The following MAN1C1 variants were observed in gnomAD, a reference collection of about 807,000 sequenced individuals.
The protein encoded by MAN1C1 is mannosidase alpha class 1C member 1.
In MAN1C1, 49 loss-of-function variants were observed where a neutral mutation model predicts 71.5. The observed-to-expected ratio is 0.69, with a 90% CI of 0.54 to 0.87. The LOEUF (loss-of-function observed/expected upper bound fraction) is 0.87, where lower values mean the gene tolerates loss of function less well. Among genes scored for constraint, MAN1C1 ranks in the 40% least tolerant of loss-of-function variants. The pLI, the probability that MAN1C1 is intolerant of heterozygous loss-of-function variation, is 0.00. For synonymous variants in MAN1C1, 352 were observed against 343.7 expected (o/e 1.02, Z -0.27); for missense variants, 743 against 835.0 (o/e 0.89, Z 1.36).
intron 2 of MAN1C1, among the ~76,000 whole-genome samples, chr1:25,740,550 T>C (rs556354000): frequency 6.0e-4 from 92 of 152,126 alleles, no homozygotes; most frequent in African/African-American, 2.1e-3. Flanking sequence ...CATTCTCCTG[T>C]CTCAGCCTCC....
chr1:25,753,443 C>T lies in MAN1C1; in HGVS notation c.835-41C>T. The T allele has an allele frequency of 6.5e-7, 1 of 1,528,136 alleles. No individual in the cohort carries two copies. The highest frequency in any genetic ancestry group is 1.2e-5 in the South Asian group (1 of 86,248). 94.7% of individuals were successfully genotyped at this position (1,528,136 alleles called of 1,614,324 possible). ...AGTTCTGGGGTTGACCTTCCCTCAC[C>T]CAGCCTGGAGTCAAAAGCCCTTTGA... On this transcript the variant is annotated intron_variant, in intron 4 of 11. Transcript: ENST00000374332. This position sits in a 1 kb window ranked among gnomAD's most constrained non-coding sequence, Gnocchi z 4.9.
chr1:25,622,260 C>G (rs2045226601), intron 1 of MAN1C1, among the ~76,000 whole-genome samples: 1 of 152,192 alleles, frequency 6.6e-6, no homozygotes, highest in African/African-American at 2.4e-5. Flanking sequence ...GCTGTTCCAT[C>G]AACTCTGATT....
rs2124415642 is a variant in MAN1C1, at chr1:25,779,679, A to G, written c.1478-1261A>G. Among the ~76,000 whole-genome samples the G allele has an allele frequency of 6.6e-6, 1 of 151,864 alleles. No individual in the cohort carries two copies. ...TAGCAGTGGCTCCTGCCTTCACCCC[A>G]CTAGCGACTTGGCAAAATGACTGTT... is the stretch of plus-strand genomic sequence containing the variant. On this transcript the variant is annotated intron_variant, in intron 9 of 11. Transcript: ENST00000374332. This position sits in a 1 kb window ranked among gnomAD's most constrained non-coding sequence, Gnocchi z 4.6.
At chr1:25,708,334 G>A (rs2046554230) in intron 2 of MAN1C1, among the ~76,000 whole-genome samples, 1 of 152,158 alleles carries the variant, frequency 6.6e-6, no homozygotes, top group South Asian at 2.1e-4. Context: ...GGCGCTGGTG[G>A]GAGTGCCTTT....
rs2047131115 is a variant in MAN1C1, at chr1:25,746,563, C to T, written c.638-105C>T. The T allele has an allele frequency of 2.2e-6, 2 of 908,730 alleles. No individual in the cohort carries two copies. Among genetic ancestry groups the T allele is most frequent in the Non-Finnish European group, 3.6e-6 (2 of 561,820 alleles). 56.3% of individuals were successfully genotyped at this position (908,730 alleles called of 1,614,324 possible). On this transcript the variant is annotated intron_variant, in intron 2 of 11. Coordinates refer to ENST00000374332, the MANE Select transcript of MAN1C1 (RefSeq NM_020379.4). The surrounding 1 kb of genome is among the most constrained non-coding windows in gnomAD (Gnocchi z 4.0). ...GGTGCCTGAGGCCAGCCTTTGCCAC[C>T]AAGCCTGCGCTGGCATTGGAGGGGC...
intron 1 of MAN1C1, among the ~76,000 whole-genome samples, chr1:25,641,106 T>A (rs1037343167): frequency 6.6e-6 from 1 of 152,228 alleles, no homozygotes; most frequent in Admixed American, 6.5e-5. Flanking sequence ...TCAGGGAGTC[T>A]GCTTTGAAGG....
chr1:25,705,804 A>G (rs1557773245), intron 2 of MAN1C1, among the ~76,000 whole-genome samples: 1 of 152,214 alleles, frequency 6.6e-6, no homozygotes. Context: ...TTGGCTGGGT[A>G]TGGTGGCACA....
chr1:25,754,459 T>C (rs2047258409), intron 5 of MAN1C1, among the ~76,000 whole-genome samples: 1 of 152,030 alleles, frequency 6.6e-6, no homozygotes, highest in Non-Finnish European at 1.5e-5. Context: ...ATGTTCAGCA[T>C]CTTCGTCAAC....
At chr1:25,620,127 G>C (rs535867062) in intron 1 of MAN1C1, among the ~76,000 whole-genome samples, 1 of 152,212 alleles carries the variant, frequency 6.6e-6, no homozygotes, top group African/African-American at 2.4e-5. Context: ...TATTTTGCCA[G>C]CAGAGTCTGG....
intron 2 of MAN1C1, among the ~76,000 whole-genome samples, chr1:25,737,124 A>G (rs2124314921): frequency 6.6e-6 from 1 of 152,334 alleles, no homozygotes; most frequent in South Asian, 2.1e-4. Flanking sequence ...GGAGTTTTTA[A>G]ACACAGGTTT....
intron 2 of MAN1C1, among the ~76,000 whole-genome samples, chr1:25,733,188 C>T (rs574360653): frequency 6.6e-6 from 1 of 152,236 alleles, no homozygotes; most frequent in East Asian, 1.9e-4. Flanking sequence ...AAGCACAGAC[C>T]CAGGTGCTCC....
Position 25,763,891 on chromosome 1 carries a change from G to T in MAN1C1, c.1065G>T (p.Lys355Asn). 6.2e-7 allele frequency: 1 copy of T among 1,613,860 alleles called. No individual in the cohort carries two copies. The highest frequency in any genetic ancestry group is 8.5e-7 in the Non-Finnish European group (1 of 1,180,004). The change falls in exon 7 of 12, where the codon AAG becomes AAT. Residue 355 changes from lysine (K) to asparagine (N), a missense_variant. Lys to Asn is a moderately conservative substitution (Grantham distance 94). Coordinates refer to ENST00000374332, the MANE Select transcript of MAN1C1 (RefSeq NM_020379.4). ...CTCGGCAGGTCAGGAACATCCGCAA[G>T]GTCCTCAGGAAGATCGAAAAGCCCT... is the stretch of plus-strand genomic sequence containing the variant. ...VFAEKVRNIRKVLRKIEKPFG... is the reference protein window; with the variant it reads ...VFAEKVRNIRNVLRKIEKPFG...
At chr1:25,763,156 T>C (rs2047382375) in intron 6 of MAN1C1, among the ~76,000 whole-genome samples, 1 of 152,054 alleles carries the variant, frequency 6.6e-6, no homozygotes, top group African/African-American at 2.4e-5. Context: ...TAGTCTTAAC[T>C]ACTGAGGAGG....
At chr1:25,751,250 C>T (rs2047211068) in intron 4 of MAN1C1, among the ~76,000 whole-genome samples, 1 of 151,900 alleles carries the variant, frequency 6.6e-6, no homozygotes, top group South Asian at 2.1e-4. Flanking sequence ...TCCATCTTTT[C>T]TTCTGTCCTT....
At chr1:25,696,134 T>C (rs932882779) in intron 2 of MAN1C1, among the ~76,000 whole-genome samples, 1 of 152,226 alleles carries the variant, frequency 6.6e-6, no homozygotes, top group Admixed American at 6.5e-5. Flanking sequence ...CCGCCCACTT[T>C]GCGAAGACCT....
intron 1 of MAN1C1, among the ~76,000 whole-genome samples, chr1:25,641,762 T>A (rs987124483): frequency 6.6e-6 from 1 of 152,222 alleles, no homozygotes; most frequent in Non-Finnish European, 1.5e-5. Context: ...TTTTCTGTAT[T>A]TATTAAGACC....
chr1:25,642,891 T>G (rs2045556043), intron 1 of MAN1C1, among the ~76,000 whole-genome samples: 1 of 152,194 alleles, frequency 6.6e-6, no homozygotes, highest in Admixed American at 6.5e-5. Context: ...GAGGCCTGTG[T>G]GGGGAGATGA....
In MAN1C1 at chr1:25,711,061, C is replaced by G. The variant is rs1454356554; in HGVS notation, c.637+24525C>G. Reference sequence around the variant, plus strand: ...CTTGAGTCTGTGGGTCTTAGCTAGGCCAGGATTGGTCTAGGATGGCTTTGG... The same window carrying G: ...CTTGAGTCTGTGGGTCTTAGCTAGGGCAGGATTGGTCTAGGATGGCTTTGG... On this transcript the variant is annotated intron_variant, in intron 2 of 11. Coordinates refer to ENST00000374332, the MANE Select transcript of MAN1C1 (RefSeq NM_020379.4). This position sits in a 1 kb window ranked among gnomAD's most constrained non-coding sequence, Gnocchi z 4.3. Among the ~76,000 whole-genome samples the G allele has an allele frequency of 6.6e-6, 1 of 152,118 alleles. No homozygotes were observed. Among genetic ancestry groups the G allele is most frequent in the African/African-American group, 2.4e-5 (1 of 41,402 alleles).
Position 25,617,960 on chromosome 1 carries a change from G to C in MAN1C1, c.163G>C (p.Ala55Pro). ...HSSRLKRLFL[A>P]PRTQQPGLEV... ...CTCTCGCCTCAAGCGCCTCTTCCTG[G>C]CCCCCCGGACCCAGCAGCCTGGTCT... The change falls in exon 1 of 12, where the codon GCC (alanine) becomes CCC (proline). Residue 55 changes from alanine to proline, a missense_variant. By Grantham distance (27) the Ala-to-Pro change is conservative. Coordinates refer to ENST00000374332, the MANE Select transcript of MAN1C1 (RefSeq NM_020379.4). The surrounding 1 kb of genome is among the most constrained non-coding windows in gnomAD (Gnocchi z 5.1). The C allele has an allele frequency of 6.2e-7, 1 of 1,608,270 alleles. No homozygotes were observed. Among genetic ancestry groups the C allele is most frequent in the Admixed American group, 1.7e-5 (1 of 59,658 alleles).
Sources: allele counts gnomAD v4.1 joint callset (sites outside exome capture counted in the v4.1 genomes callset), GRCh38; gene constraint gnomAD v4.1.1; non-coding constraint Gnocchi (gnomAD v3.1); transcripts MANE v1.5; gene names NCBI Gene and HGNC (gene_info 2026-07-23, HGNC 2026-07-21).